Variants in PICALM observed in about 807,000 individuals in gnomAD.
PICALM encodes phosphatidylinositol binding clathrin assembly protein, also known as phosphatidylinositol-binding clathrin assembly protein.
Under a neutral mutation model 80.5 loss-of-function variants are expected in PICALM, and 40 were observed. That is an observed-to-expected ratio of 0.50 (90% CI 0.39 to 0.65). The LOEUF (loss-of-function observed/expected upper bound fraction) is 0.65. PICALM is among the 30% of genes least tolerant of loss of function. PICALM has a pLI of 0.00. For missense variants in PICALM, 676 were observed against 778.9 expected (o/e 0.87, Z 1.57); for synonymous variants, 288 against 260.3 (o/e 1.11, Z -1.02).
chr11:86,008,144 A>G (rs2095316304), intron 7 of PICALM, among the ~76,000 whole-genome samples: 1 of 152,162 alleles, frequency 6.6e-6, no homozygotes, highest in South Asian at 2.1e-4. Flanking sequence ...ACCAATTCCA[A>G]TATACCTTCA....
At chr11:86,062,577 T>A (rs1269306163) in intron 1 of PICALM, among the ~76,000 whole-genome samples, 1 of 151,972 alleles carries the variant, frequency 6.6e-6, no homozygotes, top group Non-Finnish European at 1.5e-5. Flanking sequence ...TGTCTGAATG[T>A]AGGTCCATCA....
intron 1 of PICALM, among the ~76,000 whole-genome samples, chr11:86,039,107 T>A (rs1385029118): frequency 9.1e-5 from 2 of 22,004 alleles, no homozygotes; most frequent in Admixed American, 7.2e-4. Context: ...TGAGACTCTA[T>A]CTCAAAAAAA....
At position 86,068,755 on chromosome 11, in the gene PICALM, C is replaced by A; in HGVS notation, c.26G>T (p.Arg9Leu). The A allele has an allele frequency of 6.2e-7, 1 of 1,611,498 alleles. No homozygotes were observed. Among genetic ancestry groups the A allele is most frequent in the South Asian group, 1.1e-5 (1 of 90,972 alleles). The change falls in exon 1 of 20, where the codon CGA becomes CTA. Residue 9 changes from arginine to leucine, a missense_variant. By Grantham distance (102) the Arg-to-Leu change is moderately radical (BLOSUM62 -2). Around this residue, in one of 2 missense-constraint regions of PICALM, gnomAD observed 285 missense variants for 395.4 expected, o/e 0.72. Coordinates refer to ENST00000393346, the MANE Select transcript of PICALM (RefSeq NM_007166.4). MSGQSLTDRITAAQHSVTG... is the reference protein window; with the variant it reads MSGQSLTDLITAAQHSVTG... ...GACACTGTGCTGGGCGGCAGTGATT[C>A]GGTCCGTCAGGCTCTGGCCGGACAT...
At chr11:86,069,826 G>C (rs2096490192), upstream of PICALM, 1 of 152,206 alleles carries the variant, frequency 6.6e-6, no homozygotes, top group Admixed American at 6.5e-5. Context: ...TCTAAATTTA[G>C]ATACTAGCTG....
Position 85,970,677 on chromosome 11 carries a change from G to A in PICALM, c.1944+4031C>T, listed in dbSNP as rs182449459. Among the ~76,000 whole-genome samples, 62 of 152,262 alleles carry A rather than the reference G, an allele frequency of 4.1e-4. No homozygotes were observed. The East Asian group carries it at 9.1e-3, about 22-fold the overall frequency. On this transcript the variant is annotated intron_variant, in intron 19 of 19. Transcript: ENST00000393346. Reference sequence around the variant, plus strand: ...CTAAAAATTAGTTGGGTGTGGTGGCGTGTGCCTGTAATCCCAGCTGCCGGG... The same window carrying A: ...CTAAAAATTAGTTGGGTGTGGTGGCATGTGCCTGTAATCCCAGCTGCCGGG...
At chr11:86,066,225 C>T (rs1031030954) in intron 1 of PICALM, among the ~76,000 whole-genome samples, 3 of 152,282 alleles carry the variant, frequency 2.0e-5, no homozygotes, top group South Asian at 4.1e-4. Context: ...AAACCACTCA[C>T]TGGTCAGACT....
intron 13 of PICALM, among the ~76,000 whole-genome samples, chr11:85,988,286 G>T (rs531161735): frequency 6.6e-6 from 1 of 152,286 alleles, no homozygotes; most frequent in Admixed American, 6.5e-5. Flanking sequence ...ATGGAGTAAA[G>T]TAAGAAGATG....
upstream of PICALM, chr11:86,069,593 A>C (rs2096489453): frequency 6.6e-6 from 1 of 152,244 alleles, no homozygotes; most frequent in Non-Finnish European, 1.5e-5. Context: ...TCAAGAATGT[A>C]TTTCAAGACG....
At chr11:86,068,178 G>A (rs2096472929) in intron 1 of PICALM, among the ~76,000 whole-genome samples, 1 of 152,138 alleles carries the variant, frequency 6.6e-6, no homozygotes, top group South Asian at 2.1e-4. Flanking sequence ...CAGCCCGGAG[G>A]GATAACAAGG....
intron 17 of PICALM, among the ~76,000 whole-genome samples, chr11:85,980,535 T>C (rs1460801112): frequency 6.6e-6 from 1 of 152,152 alleles, no homozygotes; most frequent in African/African-American, 2.4e-5. Context: ...CTGCCACAAA[T>C]AATGAGTATC....
chr11:86,033,374 C>T (rs537540799), intron 1 of PICALM, among the ~76,000 whole-genome samples: 2 of 152,010 alleles, frequency 1.3e-5, no homozygotes, highest in East Asian at 3.9e-4. Flanking sequence ...TGTTCTTCCC[C>T]CCACTGCATC....
intron 19 of PICALM, among the ~76,000 whole-genome samples, chr11:85,963,258 A>C (rs981059310): frequency 3.3e-5 from 5 of 152,232 alleles, no homozygotes; most frequent in African/African-American, 1.2e-4. Context: ...CAAATTTTAC[A>C]AGAGAGCATA....
At chr11:86,030,256 A>G (rs1349685163) in intron 2 of PICALM, among the ~76,000 whole-genome samples, 4 of 152,220 alleles carry the variant, frequency 2.6e-5, no homozygotes, top group Non-Finnish European at 4.4e-5. Flanking sequence ...AAATGTGCCA[A>G]AAGTAAGATG....
At chr11:86,048,827 A>C (rs190855703) in intron 1 of PICALM, among the ~76,000 whole-genome samples, 4 of 130,992 alleles carry the variant, frequency 3.1e-5, no homozygotes, top group African/African-American at 6.2e-5. Context: ...GTAAGAGTGA[A>C]ACTCCGTCTC....
At chr11:86,029,779 C>G (rs976470700) in intron 2 of PICALM, among the ~76,000 whole-genome samples, 1 of 152,186 alleles carries the variant, frequency 6.6e-6, no homozygotes, top group Non-Finnish European at 1.5e-5. Context: ...ATAATCTTAA[C>G]TAAACATATT....
chr11:85,979,128 T>G (rs1382052313), intron 17 of PICALM, among the ~76,000 whole-genome samples: 1 of 152,134 alleles, frequency 6.6e-6, no homozygotes, highest in East Asian at 1.9e-4. Context: ...GACAGCAACA[T>G]TTACATGTTT....
Position 86,069,004 on chromosome 11 carries a change from C to A in PICALM, c.-224G>T. ...CAAGATGTCGGGCACTCCCTTGCCC[C>A]CGCCTCAGTTCAGCCCACCCCTTCC... is the stretch of plus-strand genomic sequence containing the variant. On this transcript the variant is annotated 5_prime_UTR_variant, in exon 1 of 20. Coordinates refer to ENST00000393346, the MANE Select transcript of PICALM (RefSeq NM_007166.4). The A allele has an allele frequency of 1.8e-6, 1 of 557,684 alleles. No individual in the cohort carries two copies. Among genetic ancestry groups the A allele is most frequent in the Non-Finnish European group, 3.1e-6 (1 of 318,494 alleles). The allele number at this position is 557,684 out of a possible 1,614,324, so 34.5% of individuals were successfully genotyped here.
intron 13 of PICALM, among the ~76,000 whole-genome samples, chr11:85,985,883 C>G (rs1053975432): frequency 1.3e-5 from 2 of 152,148 alleles, no homozygotes; most frequent in Non-Finnish European, 2.9e-5. Context: ...TTTTCTCCTG[C>G]TACTTTGCCT....
intron 4 of PICALM, among the ~76,000 whole-genome samples, chr11:86,020,424 G>GAAAAAAA (rs34312370): frequency 8.3e-4 from 78 of 94,082 alleles, no homozygotes; most frequent in Non-Finnish European, 1.2e-3. Context: ...ACAATCTTGG[G>GAAAAAAA]AAAAAAAAAA....
Sources: gnomAD v4.1 joint callset for allele counts (sites outside exome capture counted in the v4.1 genomes callset) on GRCh38, gnomAD v4.1.1 for gene constraint, gnomAD v4.1.1 regional missense constraint, MANE v1.5 for transcripts, NCBI Gene and HGNC (gene_info 2026-07-23, HGNC 2026-07-21) for gene names.